KAZN: variants seen among roughly 807,000 people sequenced by gnomAD.
The protein encoded by KAZN is kazrin.
A neutral mutation model predicts 87.4 loss-of-function variants in KAZN; 40 were observed. The observed-to-expected ratio is 0.46, with a 90% CI of 0.36 to 0.60. The LOEUF is 0.60. Ranked by LOEUF, KAZN falls within the 20% of genes least tolerant of loss-of-function variation. The probability of loss-of-function intolerance (pLI) is 0.00; values close to 1 mark genes in which losing one functional copy is unlikely to be tolerated. For synonymous variants in KAZN, 466 were observed against 458.3 expected (o/e 1.02, Z -0.22); for missense variants, 898 against 1,073.9 (o/e 0.84, Z 2.29).
At chr1:14,400,288 G>A (rs942276869) in intron 2 of KAZN, among the ~76,000 whole-genome samples, 1 of 152,162 alleles carries the variant, frequency 6.6e-6, no homozygotes, top group Non-Finnish European at 1.5e-5. Flanking sequence ...GCCAGGAGAA[G>A]TGCCATCATC....
intron 2 of KAZN, among the ~76,000 whole-genome samples, chr1:14,357,501 G>A (rs192740275): frequency 2.3e-3 from 350 of 152,126 alleles, no homozygotes; most frequent in African/African-American, 5.8e-3. Flanking sequence ...GTCTTGTGCC[G>A]GTTTTCAAAG....
chr1:14,213,251 G>A (rs1017078644), intron 2 of KAZN, among the ~76,000 whole-genome samples: 1 of 152,108 alleles, frequency 6.6e-6, no homozygotes, highest in Non-Finnish European at 1.5e-5. Flanking sequence ...ATGCCCCTTG[G>A]TTGCTGGCTC....
At chr1:14,193,947 C>T (rs556732121) in intron 2 of KAZN, among the ~76,000 whole-genome samples, 76 of 152,148 alleles carry the variant, frequency 5.0e-4, no homozygotes, top group African/African-American at 1.4e-3. Flanking sequence ...GCCAACATCA[C>T]GCATAATTTG....
At chr1:14,897,302 T>A (rs142111729) in intron 1 of KAZN, among the ~76,000 whole-genome samples, 267 of 152,298 alleles carry the variant, frequency 1.8e-3, no homozygotes, top group African/African-American at 6.3e-3. Context: ...CCAATTGCTG[T>A]CACCAAGAGA....
intron 1 of KAZN, among the ~76,000 whole-genome samples, chr1:14,672,954 C>T (rs949413345): frequency 3.3e-5 from 5 of 152,316 alleles, no homozygotes; most frequent in Non-Finnish European, 5.9e-5. Flanking sequence ...ACAGCCTGAT[C>T]GTTGGATCCC....
At chr1:14,603,575 C>A (rs1201094024) in intron 1 of KAZN, among the ~76,000 whole-genome samples, 1 of 152,172 alleles carries the variant, frequency 6.6e-6, no homozygotes, top group African/African-American at 2.4e-5. Context: ...GTCTCTGATT[C>A]TGGTTAATTT....
chr1:14,786,052 T>G (rs933300716), intron 1 of KAZN, among the ~76,000 whole-genome samples: 12 of 152,212 alleles, frequency 7.9e-5, no homozygotes, highest in African/African-American at 2.9e-4. Context: ...TATGGGTGTG[T>G]GCTTAGCAAA....
chr1:14,907,649 A>G (rs1372844912), intron 1 of KAZN, among the ~76,000 whole-genome samples: 1 of 152,040 alleles, frequency 6.6e-6, no homozygotes, highest in African/African-American at 2.4e-5. Context: ...TTCCGGAAAG[A>G]AGTCTCCTCT....
intron 1 of KAZN, among the ~76,000 whole-genome samples, chr1:14,859,913 C>T (rs3845594): frequency 0.45 from 68,493 of 151,972 alleles, 17,803 homozygotes; most frequent in African/African-American, 0.72. Flanking sequence ...GCCTGGATTT[C>T]TCTCCCCAGT....
intron 1 of KAZN, among the ~76,000 whole-genome samples, chr1:14,849,854 ATAGCT>A (rs1297748843): frequency 6.6e-5 from 10 of 152,084 alleles, no homozygotes; most frequent in Non-Finnish European, 1.5e-5. Context: ...GCTCCCCCAG[ATAGCT>A]TAGCAGCAGT....
At chr1:14,346,357 ATGACTCATAGC>A in intron 2 of KAZN, among the ~76,000 whole-genome samples, 1 of 152,306 alleles carries the variant, frequency 6.6e-6, no homozygotes, top group South Asian at 2.1e-4. Context: ...GATGAGGATG[ATGACTCATAGC>A]TGGGGACAGA....
intron 2 of KAZN, among the ~76,000 whole-genome samples, chr1:14,586,649 G>C (rs1675869367): frequency 6.6e-6 from 1 of 151,178 alleles, no homozygotes; most frequent in Admixed American, 6.6e-5. Flanking sequence ...TCCGGCTTTG[G>C]CCTCCCAAAG....
intron 2 of KAZN, among the ~76,000 whole-genome samples, chr1:14,975,634 A>C (rs1207181034): frequency 6.6e-6 from 1 of 152,220 alleles, no homozygotes; most frequent in Non-Finnish European, 1.5e-5. Context: ...ATGGAATATA[A>C]ATTCCACAGA....
At chr1:14,711,810 C>G (rs920673634) in intron 1 of KAZN, among the ~76,000 whole-genome samples, 1 of 152,168 alleles carries the variant, frequency 6.6e-6, no homozygotes, top group Non-Finnish European at 1.5e-5. Context: ...ACCTTGCAGC[C>G]TGTGAGAGAC....
chr1:14,268,117 A>C (rs1207158625), intron 2 of KAZN, among the ~76,000 whole-genome samples: 1 of 152,182 alleles, frequency 6.6e-6, no homozygotes, highest in African/African-American at 2.4e-5. Context: ...CAATCAAGCT[A>C]AGCCAATGCA....
rs555715558 is a variant in KAZN at position 14,824,192 on chromosome 1, C to G, written c.227-136492C>G. Among the ~76,000 whole-genome samples the G allele has an allele frequency of 3.3e-5, 5 of 151,380 alleles. No homozygotes were observed. In the South Asian group the frequency reaches 1.0e-3, roughly 32 times the overall value. ...TTCAGACTCAATTCAGGCAGGGGTGCAGCGTGATGGGAGGCCTGGTTAGAT... is the reference window on the plus strand; with the variant it reads ...TTCAGACTCAATTCAGGCAGGGGTGGAGCGTGATGGGAGGCCTGGTTAGAT... On this transcript the variant is annotated intron_variant, in intron 1 of 14. Coordinates refer to ENST00000376030, the MANE Select transcript of KAZN (RefSeq NM_201628.3).
At chr1:15,090,559 G>A (rs573310345) in intron 8 of KAZN, among the ~76,000 whole-genome samples, 2 of 152,346 alleles carry the variant, frequency 1.3e-5, no homozygotes, top group East Asian at 3.9e-4. Flanking sequence ...GGGCCCTGGC[G>A]GGGCTGCAGA....
chr1:14,569,671 C>T (rs1346469452), intron 2 of KAZN, among the ~76,000 whole-genome samples: 1 of 152,062 alleles, frequency 6.6e-6, no homozygotes, highest in African/African-American at 2.4e-5. Context: ...TATCATCAAC[C>T]AGTTTGGGAA....
intron 2 of KAZN, among the ~76,000 whole-genome samples, chr1:14,246,798 C>G (rs78742972): frequency 0.016 from 2,453 of 152,204 alleles, 32 homozygotes; most frequent in South Asian, 0.026. Context: ...TGTCCATGAC[C>G]TGCTTTTTTT....
Sources: gnomAD v4.1 joint callset for allele counts (sites outside exome capture counted in the v4.1 genomes callset) on GRCh38, gnomAD v4.1.1 for gene constraint, MANE v1.5 for transcripts, NCBI Gene and HGNC (gene_info 2026-07-23, HGNC 2026-07-21) for gene names.